CLSTN2: variants seen among roughly 807,000 people sequenced by gnomAD.
The protein encoded by CLSTN2 is calsyntenin 2.
A neutral mutation model predicts 101.2 loss-of-function variants in CLSTN2; 48 were observed. That is an observed-to-expected ratio of 0.47 (90% CI 0.38 to 0.60). The LOEUF (loss-of-function observed/expected upper bound fraction) is 0.60. Among genes scored for constraint, CLSTN2 ranks in the 20% least tolerant of loss-of-function variants. The pLI, the probability that CLSTN2 is intolerant of heterozygous loss-of-function variation, is 0.00. For missense variants in CLSTN2, 1,160 were observed against 1,238.2 expected (o/e 0.94, Z 0.95); for synonymous variants, 481 against 463.6 (o/e 1.04, Z -0.48).
chr3:140,077,843 T>G (rs2008518406), intron 1 of CLSTN2, among the ~76,000 whole-genome samples: 1 of 151,138 alleles, frequency 6.6e-6, no homozygotes, highest in Admixed American at 6.6e-5. Flanking sequence ...ATGGCCGGTT[T>G]GCTCCCTCTC....
intron 2 of CLSTN2, among the ~76,000 whole-genome samples, chr3:140,242,560 A>G (rs990376728): frequency 1.3e-5 from 2 of 152,182 alleles, no homozygotes; most frequent in Non-Finnish European, 2.9e-5. Context: ...AGACAGAGTC[A>G]TGGCCTGTAC....
rs201951240 is a variant in CLSTN2 at position 140,550,082 on chromosome 3, G to T, written c.1674+3401G>T. On this transcript the variant is annotated intron_variant, in intron 10 of 16. Coordinates refer to ENST00000458420, the MANE Select transcript of CLSTN2 (RefSeq NM_022131.3). ...CATGTGGAAGAGTGGGAAAGAGCAAGAACTTTAGAACTAGACACTCCTAGG... is the reference window on the plus strand; with the variant it reads ...CATGTGGAAGAGTGGGAAAGAGCAATAACTTTAGAACTAGACACTCCTAGG... Among the ~76,000 whole-genome samples, 64 of 151,410 alleles carry T rather than the reference G, an allele frequency of 4.2e-4. 3 individuals carry two copies. The highest frequency in any genetic ancestry group is 2.6e-3 in the East Asian group (13 of 5,012).
At position 140,555,140 on chromosome 3, in the gene CLSTN2, A is replaced by C. The variant is rs113321914; in HGVS notation, c.1675-1373A>C. On this transcript the variant is annotated intron_variant, in intron 10 of 16. Transcript: ENST00000458420. ...TGCAAGCCGATGGACTAGCCCCTAA[A>C]GGAATGTTGCCAGTTTCATGGCAGA... 2.2e-3 allele frequency among the ~76,000 whole-genome samples: 330 copies of C among 152,350 alleles called. 3 individuals are homozygous for C. Among genetic ancestry groups the C allele is most frequent in the African/African-American group, 7.8e-3 (326 of 41,584 alleles).
At chr3:140,485,377 C>A (rs972264648) in intron 8 of CLSTN2, among the ~76,000 whole-genome samples, 1 of 152,186 alleles carries the variant, frequency 6.6e-6, no homozygotes, top group African/African-American at 2.4e-5. Flanking sequence ...CTAGGGGGTG[C>A]CTCCCAGATA....
chr3:140,377,748 A>T (rs1215029920), intron 2 of CLSTN2, among the ~76,000 whole-genome samples: 1 of 152,186 alleles, frequency 6.6e-6, no homozygotes, highest in East Asian at 1.9e-4. Context: ...AAAGTTATTC[A>T]CTAAGGTTAA....
At chr3:140,269,011 T>C (rs1407540033) in intron 2 of CLSTN2, among the ~76,000 whole-genome samples, 1 of 152,212 alleles carries the variant, frequency 6.6e-6, no homozygotes, top group Admixed American at 6.5e-5. Context: ...ATCAGGGACG[T>C]CTTGAATAAA....
intron 1 of CLSTN2, among the ~76,000 whole-genome samples, chr3:140,001,568 T>G (rs2006841382): frequency 6.6e-6 from 1 of 152,142 alleles, no homozygotes; most frequent in Non-Finnish European, 1.5e-5. Flanking sequence ...TAATAGCATC[T>G]CATAAAGTGG....
intron 8 of CLSTN2, among the ~76,000 whole-genome samples, chr3:140,483,040 G>A (rs571881852): frequency 9.9e-5 from 15 of 152,098 alleles, no homozygotes; most frequent in African/African-American, 2.9e-4. Flanking sequence ...ATGTTAGGGC[G>A]TCAATTTTAG....
Position 140,089,411 on chromosome 3 carries a change from G to A in CLSTN2, c.110-86540G>A, listed in dbSNP as rs115937864. Among the ~76,000 whole-genome samples, 565 of 152,182 alleles carry A rather than the reference G, an allele frequency of 3.7e-3. 2 individuals carry two copies. The highest frequency in any genetic ancestry group is 5.5e-3 in the Non-Finnish European group (375 of 68,014). On this transcript the variant is annotated intron_variant, in intron 1 of 16. Coordinates refer to ENST00000458420, the MANE Select transcript of CLSTN2 (RefSeq NM_022131.3). ...CCCTCAGTGCAGCCTTCAAGTCTGT[G>A]CCTCAACCCAGCTTCTCCAGCAGGG...
intron 1 of CLSTN2, among the ~76,000 whole-genome samples, chr3:139,958,321 A>G (rs941218519): frequency 2.0e-5 from 3 of 152,146 alleles, no homozygotes; most frequent in Non-Finnish European, 4.4e-5. Context: ...CACAAGGTGT[A>G]TGTGCCCACC....
At chr3:140,058,050 G>T (rs2008132282) in intron 1 of CLSTN2, among the ~76,000 whole-genome samples, 1 of 151,774 alleles carries the variant, frequency 6.6e-6, no homozygotes, top group South Asian at 2.1e-4. Context: ...TTAGTAACCT[G>T]AAACCTTCTA....
intron 2 of CLSTN2, among the ~76,000 whole-genome samples, chr3:140,191,247 T>A (rs1380482245): frequency 1.3e-5 from 2 of 152,060 alleles, no homozygotes; most frequent in African/African-American, 4.8e-5. Context: ...CAACCTCACA[T>A]CCTTAGACTA....
At chr3:140,330,310 C>T (rs984263291) in intron 2 of CLSTN2, among the ~76,000 whole-genome samples, 2 of 152,206 alleles carry the variant, frequency 1.3e-5, no homozygotes, top group Non-Finnish European at 2.9e-5. Flanking sequence ...TTTTTGAGTT[C>T]ACTCAGCTCA....
intron 1 of CLSTN2, among the ~76,000 whole-genome samples, chr3:140,140,497 G>A (rs1560107132): frequency 2.0e-5 from 3 of 152,030 alleles, no homozygotes; most frequent in Non-Finnish European, 2.9e-5. Context: ...CAAGGGGAAG[G>A]CACGAACCCC....
At chr3:140,427,589 T>C (rs191283982) in intron 5 of CLSTN2, among the ~76,000 whole-genome samples, 56 of 152,074 alleles carry the variant, frequency 3.7e-4, no homozygotes, top group African/African-American at 1.1e-3. Context: ...ATGTGCTTGA[T>C]AGTGGAGGGC....
At chr3:140,313,176 C>A (rs1472911675) in intron 2 of CLSTN2, among the ~76,000 whole-genome samples, 3 of 152,194 alleles carry the variant, frequency 2.0e-5, no homozygotes, top group Admixed American at 2.0e-4. Flanking sequence ...AAAAAACCAT[C>A]AGTGGAACAA....
chr3:140,523,473 T>G (rs1313502520), intron 8 of CLSTN2, among the ~76,000 whole-genome samples: 1 of 152,186 alleles, frequency 6.6e-6, no homozygotes, highest in Non-Finnish European at 1.5e-5. Flanking sequence ...TTTATTTTTG[T>G]TTTCTTCTGT....
intron 1 of CLSTN2, among the ~76,000 whole-genome samples, chr3:140,024,156 A>G (rs976677903): frequency 6.6e-6 from 1 of 152,204 alleles, no homozygotes; most frequent in African/African-American, 2.4e-5. Context: ...GACTCAATGC[A>G]AGAGTGTATG....
chr3:140,339,181 A>G (rs1215607062), intron 2 of CLSTN2, among the ~76,000 whole-genome samples: 1 of 152,194 alleles, frequency 6.6e-6, no homozygotes, highest in Non-Finnish European at 1.5e-5. Flanking sequence ...TGTACCATAA[A>G]GGGTTAGATC....
Sources: gnomAD v4.1 joint callset for allele counts (sites outside exome capture counted in the v4.1 genomes callset) on GRCh38, gnomAD v4.1.1 for gene constraint, MANE v1.5 for transcripts, NCBI Gene and HGNC (gene_info 2026-07-23, HGNC 2026-07-21) for gene names.